The following POLR3A variants were observed in gnomAD, a reference collection of about 807,000 sequenced individuals.
POLR3A encodes DNA-directed RNA polymerase III subunit RPC1.
In POLR3A, 112 loss-of-function variants were observed where a neutral mutation model predicts 152.8. That is an observed-to-expected ratio of 0.73 (90% CI 0.63 to 0.86). POLR3A has a LOEUF of 0.86. POLR3A is among the 40% of genes least tolerant of loss of function. The pLI, the probability that POLR3A is intolerant of heterozygous loss-of-function variation, is 0.00. For missense variants in POLR3A, 1,385 were observed against 1,743.1 expected (o/e 0.79, Z 3.66); for synonymous variants, 615 against 652.1 (o/e 0.94, Z 0.87).
chr10:77,982,273 T>G lies in POLR3A; in HGVS notation c.3640A>C (p.Ile1214Leu), dbSNP rs1847154227. The stretch of plus-strand genomic sequence containing the variant: ...TTCTCCTTTCCACTCTGCTCGTCAA[T>G]GTGGATGACAGCTCTGGACACCTCT... ...IPEVSRAVIHIDEQSGKEKYK... is the reference protein window; with the variant it reads ...IPEVSRAVIHLDEQSGKEKYK... The change falls in exon 28 of 31, where the codon ATT becomes CTT. Residue 1214 changes from isoleucine (I) to leucine (L), a missense_variant. Transcript: ENST00000372371. 6.2e-7 allele frequency: 1 copy of G among 1,613,836 alleles called. No individual in the cohort carries two copies.
intron 10 of POLR3A, 124 bp downstream of exon 10, chr10:78,017,446 CAAAAA>C: frequency 1.3e-6 from 1 of 763,170 alleles, no homozygotes; most frequent in Non-Finnish European, 2.0e-6. Context: ...GAGCCTGTCT[CAAAAA>C]AAAAAAAAAG....
chr10:77,987,316 C>T (rs902935152), intron 21 of POLR3A, among the ~76,000 whole-genome samples: 1 of 152,118 alleles, frequency 6.6e-6, no homozygotes, highest in Non-Finnish European at 1.5e-5. Flanking sequence ...ATAGACTGCC[C>T]CTCCTTTGTA....
At position 77,982,158 on chromosome 10, in the gene POLR3A, T is replaced by G; in HGVS notation, c.3755A>C (p.Tyr1252Ser). Residue 1252 changes from tyrosine (Y) to serine (S), a missense_variant, in exon 28 of 31, where the codon TAT (tyrosine) becomes TCT (serine). Tyr to Ser is a moderately radical substitution (Grantham distance 144). Transcript: ENST00000372371. The stretch of plus-strand genomic sequence containing the variant: ...ACCCCGTGGGCTGAGTGGTACCTCA[T>G]AGGTGTTATTGGAGGTGGTTCGGGT... ...KGTRTTSNNT[Y>S]EVEKTLGIEA... is the part of the protein sequence containing the mutation. 6.2e-7 allele frequency: 1 copy of G among 1,607,786 alleles called. No homozygotes were observed. The highest frequency in any genetic ancestry group is 1.7e-5 in the Admixed American group (1 of 59,672).
chr10:78,020,977 C>CT (rs1409254974), intron 8 of POLR3A, among the ~76,000 whole-genome samples: 2 of 151,994 alleles, frequency 1.3e-5, no homozygotes, highest in African/African-American at 2.4e-5. Context: ...AAAGTGTCTA[C>CT]TTTTTTTTCT....
rs536522642 is a variant in POLR3A at position 77,986,124 on chromosome 10, C to A, written c.2937G>T (p.Lys979Asn). 1 of 1,590,888 alleles carries A rather than the reference C, an allele frequency of 6.3e-7. No homozygotes were observed. Among genetic ancestry groups the A allele is most frequent in the East Asian group, 2.2e-5 (1 of 44,774 alleles). Residue 979 changes from lysine (K) to asparagine (N), a missense_variant, in exon 22 of 31, where the codon AAG becomes AAT. This residue lies in a region of POLR3A where 178 missense variants were observed against 204.6 expected (regional missense o/e 0.87). Coordinates refer to ENST00000372371, the MANE Select transcript of POLR3A (RefSeq NM_007055.4). ...IKKFIKGVSE[K>N]IKKTRDKYGI... Reference sequence around the variant, plus strand: ...CATATTTATCTCTGGTTTTCTTGATCTTCTCAGAGACCCCCTTAATGAATT... The same window carrying A: ...CATATTTATCTCTGGTTTTCTTGATATTCTCAGAGACCCCCTTAATGAATT...
chr10:78,029,073 T>A (rs1455987881), intron 1 of POLR3A, among the ~76,000 whole-genome samples: 1 of 152,140 alleles, frequency 6.6e-6, no homozygotes, highest in African/African-American at 2.4e-5. Context: ...GGGATCATTG[T>A]ATGACTTCAG....
intron 18 of POLR3A, 97 bp downstream of exon 18, chr10:78,000,879 T>C (rs1336661868): frequency 1.4e-6 from 1 of 728,024 alleles, no homozygotes; most frequent in Admixed American, 1.8e-5. Context: ...CCACATGAAA[T>C]TGGCCAACGG....
chr10:77,983,996 T>C lies in POLR3A; in HGVS notation c.3353A>G (p.Glu1118Gly). Residue 1118 changes from glutamate to glycine, a missense_variant, in exon 26 of 31, where the codon GAA (glutamate) becomes GGA (glycine). Transcript: ENST00000372371. ...TLLGEISEYI[E>G]EVFLPDDCFI... is the part of the protein sequence containing the mutation. ...GCAGTCATCAGGAAGAAACACTTCT[T>C]CAATATACTCGGAAATCTGGAGTGT... is the stretch of plus-strand genomic sequence containing the variant. 1 of 1,609,462 alleles carries C rather than the reference T, an allele frequency of 6.2e-7. No individual in the cohort carries two copies. Among genetic ancestry groups the C allele is most frequent in the South Asian group, 1.1e-5 (1 of 90,936 alleles).
chr10:78,013,742 T>C lies in POLR3A; in HGVS notation c.1480A>G (p.Thr494Ala). 6.2e-7 allele frequency: 1 copy of C among 1,614,134 alleles called. No individual in the cohort carries two copies. The highest frequency in any genetic ancestry group is 8.5e-7 in the Non-Finnish European group (1 of 1,179,998). ...CCATCAAAGTCAGCATTATAGGGTG[T>C]ACAGACACACTCATTAAATCTGAAG... ...RTFRFNECVC[T>A]PYNADFDGDE... Residue 494 changes from threonine to alanine, a missense_variant, in exon 11 of 31, where the codon ACA (threonine) becomes GCA (alanine). Thr to Ala is a moderately conservative substitution (Grantham distance 58). This residue lies in a region of POLR3A where 493 missense variants were observed against 647.5 expected (regional missense o/e 0.76). Coordinates refer to ENST00000372371, the MANE Select transcript of POLR3A (RefSeq NM_007055.4).
chr10:77,985,796 G>A, intron 23 of POLR3A, 107 bp downstream of exon 23: 2 of 827,936 alleles, frequency 2.4e-6, no homozygotes, highest in Non-Finnish European at 4.2e-6. Context: ...ATCAAATACT[G>A]GCAGTTAACA....
At chr10:78,012,866 C>T (rs1041725381) in intron 11 of POLR3A, among the ~76,000 whole-genome samples, 2 of 152,168 alleles carry the variant, frequency 1.3e-5, no homozygotes, top group Non-Finnish European at 2.9e-5. Context: ...GGACTACAGG[C>T]GTGCGCCACC....
At chr10:78,018,467 C>T (rs1478962469) in intron 9 of POLR3A, among the ~76,000 whole-genome samples, 1 of 151,392 alleles carries the variant, frequency 6.6e-6, no homozygotes, top group Admixed American at 6.6e-5. Context: ...CCACTACTCT[C>T]CAGCCTGGGT....
At chr10:77,981,387 T>G (rs1369366835) in intron 29 of POLR3A, 41 bp downstream of exon 29, 1 of 1,604,276 alleles carries the variant, frequency 6.2e-7, no homozygotes, top group Admixed American at 1.7e-5. Flanking sequence ...AAAGTGAGTT[T>G]CGGGATGCCC....
At chr10:78,001,404 T>C (rs972943444) in intron 17 of POLR3A, among the ~76,000 whole-genome samples, 45 of 151,876 alleles carry the variant, frequency 3.0e-4, no homozygotes, top group African/African-American at 1.0e-3. Flanking sequence ...GATTTGGACA[T>C]AAAGGGAGAG....
At chr10:77,996,159 G>C (rs1847298255) in intron 19 of POLR3A, among the ~76,000 whole-genome samples, 1 of 152,070 alleles carries the variant, frequency 6.6e-6, no homozygotes, top group African/African-American at 2.4e-5. Flanking sequence ...CGCATTCAAA[G>C]CAGTGTGTAG....
In POLR3A at chr10:77,980,123, T is replaced by A; in HGVS notation, c.4024+18A>T. The A allele has an allele frequency of 1.9e-6, 3 of 1,612,256 alleles. No individual in the cohort carries two copies. The highest frequency in any genetic ancestry group is 2.5e-6 in the Non-Finnish European group (3 of 1,178,264). ...TAGTAAAGGCCTTTGATGCTGTTCA[T>A]AGAAACATCAAACCTACCACACACA... On this transcript the variant is annotated intron_variant, in intron 30 of 30. Coordinates refer to ENST00000372371, the MANE Select transcript of POLR3A (RefSeq NM_007055.4).
chr10:77,992,440 T>C (rs1847258856), intron 20 of POLR3A, among the ~76,000 whole-genome samples: 1 of 21,800 alleles, frequency 4.6e-5, no homozygotes. Flanking sequence ...GGCTAATTCT[T>C]TTTTTTTTTT....
intron 9 of POLR3A, among the ~76,000 whole-genome samples, chr10:78,018,035 G>A (rs763631841): frequency 2.0e-5 from 3 of 151,886 alleles, no homozygotes; most frequent in East Asian, 1.9e-4. Context: ...TTAGCCAAAC[G>A]TGGTGGGGTG....
intron 11 of POLR3A, 38 bp from the exon 12 acceptor site, chr10:78,010,578 G>C: frequency 2.1e-6 from 3 of 1,449,772 alleles, no homozygotes; most frequent in East Asian, 2.3e-5. Flanking sequence ...AGCTGTTCTC[G>C]GATGCATGAT....
Sources: allele counts gnomAD v4.1 joint callset (sites outside exome capture counted in the v4.1 genomes callset), GRCh38; gene constraint gnomAD v4.1.1; regional missense constraint gnomAD v4.1.1; transcripts MANE v1.5; gene names NCBI Gene and HGNC (gene_info 2026-07-23, HGNC 2026-07-21).